SLC25A48: variants seen among roughly 807,000 people sequenced by gnomAD.
SLC25A48 encodes the protein solute carrier family 25 member 48, also known as CTC-321K16.1.
A neutral mutation model predicts 32.2 loss-of-function variants in SLC25A48; 29 were observed. The observed-to-expected ratio is 0.90, with a 90% confidence interval of 0.67 to 1.23. SLC25A48 has a LOEUF of 1.23. Among genes scored for constraint, SLC25A48 ranks in the 50% most tolerant of loss-of-function variants. SLC25A48 has a pLI of 0.00. For missense variants in SLC25A48, 399 were observed against 422.7 expected (o/e 0.94, Z 0.49); for synonymous variants, 164 against 172.3 (o/e 0.95, Z 0.38).
intron 3 of SLC25A48, among the ~76,000 whole-genome samples, chr5:135,655,539 C>A (rs1051805856): frequency 3.1e-4 from 47 of 152,134 alleles, no homozygotes; most frequent in African/African-American, 1.1e-3. Context: ...AGAAAGTCCC[C>A]AAAGGGCTGA....
intron 3 of SLC25A48, among the ~76,000 whole-genome samples, chr5:135,703,312 T>G (rs1754434701): frequency 6.6e-6 from 1 of 152,196 alleles, no homozygotes; most frequent in African/African-American, 2.4e-5. Flanking sequence ...CCTCCATCTC[T>G]GAGCCAAGAA....
intron 3 of SLC25A48, among the ~76,000 whole-genome samples, chr5:135,793,837 G>C (rs1053026697): frequency 2.0e-5 from 3 of 151,600 alleles, no homozygotes; most frequent in African/African-American, 7.3e-5. Context: ...GTACACTCTG[G>C]GATATTATTT....
chr5:135,700,845 G>A (rs1052747663), intron 3 of SLC25A48, among the ~76,000 whole-genome samples: 5 of 152,220 alleles, frequency 3.3e-5, no homozygotes, highest in Admixed American at 2.0e-4. Flanking sequence ...ACTTGTGCAC[G>A]TGCTCCGAGG....
At chr5:135,870,710 T>C (rs941635642) in intron 4 of SLC25A48, among the ~76,000 whole-genome samples, 6 of 152,080 alleles carry the variant, frequency 3.9e-5, no homozygotes, top group African/African-American at 1.2e-4. Flanking sequence ...TTGGTCTCAG[T>C]TGATAACGTT....
At chr5:135,687,949 C>T (rs1754053889) in intron 3 of SLC25A48, among the ~76,000 whole-genome samples, 1 of 119,404 alleles carries the variant, frequency 8.4e-6, no homozygotes, top group Admixed American at 8.3e-5. Context: ...AAGTGTACAG[C>T]TCAGTGGTAT....
chr5:135,748,759 C>T (rs1376343155), intron 3 of SLC25A48, among the ~76,000 whole-genome samples: 2 of 138,974 alleles, frequency 1.4e-5, no homozygotes, highest in African/African-American at 5.3e-5. Context: ...GTCTCTGTTG[C>T]CCAGGCTGGA....
At chr5:135,636,016 T>A (rs1219465059) in intron 3 of SLC25A48, among the ~76,000 whole-genome samples, 1 of 152,162 alleles carries the variant, frequency 6.6e-6, no homozygotes, top group Non-Finnish European at 1.5e-5. Flanking sequence ...CCATTCCCAT[T>A]TCTGGTTCCT....
chr5:135,787,798 T>G (rs1297271909), intron 3 of SLC25A48, among the ~76,000 whole-genome samples: 1 of 151,470 alleles, frequency 6.6e-6, no homozygotes, highest in African/African-American at 2.4e-5. Context: ...GGGATATTAC[T>G]CCTAATGTCA....
chr5:135,871,448 C>T lies in SLC25A48; in HGVS notation c.422-13C>T. 1 of 1,572,642 alleles carries T rather than the reference C, an allele frequency of 6.4e-7. No homozygotes were observed. The highest frequency in any genetic ancestry group is 8.7e-7 in the Non-Finnish European group (1 of 1,155,638). On this transcript the variant is annotated splice_polypyrimidine_tract_variant and intron_variant, in intron 4 of 7. Coordinates refer to ENST00000681962, the MANE Select transcript of SLC25A48 (RefSeq NM_001349336.2). ...CTGGGTCACTTGCCACCTTCTCTCC[C>T]CTGTCTTTGCAGCCAACCTCGGTTT...
At chr5:135,611,909 C>T (rs147130537) in intron 1 of SLC25A48, among the ~76,000 whole-genome samples, 14 of 152,228 alleles carry the variant, frequency 9.2e-5, no homozygotes, top group African/African-American at 1.9e-4. Context: ...TGAAAAGAAA[C>T]GGAATTGTCA....
intron 3 of SLC25A48, among the ~76,000 whole-genome samples, chr5:135,641,326 G>A (rs1323596246): frequency 6.6e-6 from 1 of 152,208 alleles, no homozygotes; most frequent in Non-Finnish European, 1.5e-5. Context: ...TAAGGAATAA[G>A]GATGGAGAGG....
rs73789141 is a variant in SLC25A48 at position 135,761,959 on chromosome 5, T to C, written c.-520-50564T>C. On this transcript the variant is annotated intron_variant, in intron 3 of 10. Coordinates refer to the SLC25A48 transcript ENST00000646290. The stretch of plus-strand genomic sequence containing the variant: ...AGACAGCTGCTTGAGCTCCATGGGC[T>C]GGAAAGGGACTGTGCTGCATCTGTG... 9.7e-3 allele frequency among the ~76,000 whole-genome samples: 1,476 copies of C among 152,272 alleles called. 33 individuals carry two copies. Among genetic ancestry groups the C allele is most frequent in the African/African-American group, 0.033 (1,390 of 41,540 alleles).
In SLC25A48 at chr5:135,630,630, C is replaced by A. The variant is rs1036510060; in HGVS notation, c.-709+1254C>A. 7.9e-5 allele frequency among the ~76,000 whole-genome samples: 8 copies of A among 101,124 alleles called. No individual in the cohort carries two copies. In the East Asian group the frequency reaches 1.3e-3, roughly 17 times the overall value. 66.3% of individuals were successfully genotyped at this position (101,124 alleles called of 152,430 possible). On this transcript the variant is annotated intron_variant, in intron 2 of 10. Coordinates refer to the SLC25A48 transcript ENST00000646290. ...TTTTTTTTTTTTTTTTTGAGAGAGTCATGCTCTGTCTCCCAGGCTGGAGTG... is the reference window on the plus strand; with the variant it reads ...TTTTTTTTTTTTTTTTTGAGAGAGTAATGCTCTGTCTCCCAGGCTGGAGTG...
chr5:135,641,643 T>C (rs954048621), intron 3 of SLC25A48, among the ~76,000 whole-genome samples: 21 of 152,234 alleles, frequency 1.4e-4, no homozygotes, highest in Non-Finnish European at 2.8e-4. Context: ...CCCTTCTGGC[T>C]TGGGAAAGGG....
At chr5:135,770,292 A>G (rs1043798270) in intron 3 of SLC25A48, among the ~76,000 whole-genome samples, 10 of 150,800 alleles carry the variant, frequency 6.6e-5, no homozygotes, top group Non-Finnish European at 1.0e-4. Flanking sequence ...AACCCCCTCT[A>G]TGATATTGTT....
chr5:135,640,421 CA>C (rs1362829270), intron 3 of SLC25A48, among the ~76,000 whole-genome samples: 3 of 152,002 alleles, frequency 2.0e-5, no homozygotes, highest in Non-Finnish European at 2.9e-5. Flanking sequence ...CAGCAAACCC[CA>C]AGTAGGATTC....
chr5:135,778,901 C>T (rs1225128027), intron 3 of SLC25A48, among the ~76,000 whole-genome samples: 1 of 139,216 alleles, frequency 7.2e-6, no homozygotes, highest in South Asian at 2.4e-4. Flanking sequence ...TGGTATTACT[C>T]CCAATATTGC....
intron 3 of SLC25A48, among the ~76,000 whole-genome samples, chr5:135,794,589 A>G (rs11948583): frequency 0.66 from 98,848 of 150,178 alleles, 34,236 homozygotes; most frequent in Non-Finnish European, 0.77. Context: ...TACACTCCCC[A>G]TGTGAAATTG....
chr5:135,794,802 C>A (rs1757125877), intron 3 of SLC25A48, among the ~76,000 whole-genome samples: 1 of 151,616 alleles, frequency 6.6e-6, no homozygotes, highest in Non-Finnish European at 1.5e-5. Flanking sequence ...AGGGGGTAGA[C>A]ACTCCCCACA....
Sources: gnomAD v4.1 joint callset for allele counts (sites outside exome capture counted in the v4.1 genomes callset) on GRCh38, gnomAD v4.1.1 for gene constraint, MANE v1.5 for transcripts, NCBI Gene and HGNC (gene_info 2026-07-23, HGNC 2026-07-21) for gene names.